The following NRXN3 variants were observed in gnomAD, a reference collection of about 807,000 sequenced individuals.
NRXN3 encodes neurexin III.
NRXN3 carries 32 observed loss-of-function variants against 137.6 expected under a neutral mutation model. The ratio of observed to expected loss-of-function variants is 0.23; its 90% confidence interval spans 0.18 to 0.31. The LOEUF (loss-of-function observed/expected upper bound fraction) is 0.31. Among genes scored for constraint, NRXN3 ranks in the 10% least tolerant of loss-of-function variants. NRXN3 has a pLI of 1.00. For synonymous variants in NRXN3, 798 were observed against 784.5 expected (o/e 1.02, Z -0.29); for missense variants, 1,574 against 2,062.5 (o/e 0.76, Z 4.59).
chr14:79,040,479 A>G (rs1022010939), intron 15 of NRXN3, among the ~76,000 whole-genome samples: 8 of 152,214 alleles, frequency 5.3e-5, no homozygotes, highest in East Asian at 1.9e-4. Flanking sequence ...GAATATTGTC[A>G]TATATGAATT....
At chr14:79,259,741 CACAT>C (rs1012634235) in intron 15 of NRXN3, among the ~76,000 whole-genome samples, 3 of 142,908 alleles carry the variant, frequency 2.1e-5, no homozygotes, top group Non-Finnish European at 3.1e-5. Flanking sequence ...CACACACACA[CACAT>C]ATACACACAC....
chr14:79,388,800 C>T (rs1599586103), intron 15 of NRXN3, among the ~76,000 whole-genome samples: 1 of 152,260 alleles, frequency 6.6e-6, no homozygotes, highest in South Asian at 2.1e-4. Flanking sequence ...TTGTAGCTCC[C>T]ATAATGCCCG....
chr14:79,460,651 T>G (rs1352219052), intron 15 of NRXN3, among the ~76,000 whole-genome samples: 4 of 152,186 alleles, frequency 2.6e-5, no homozygotes, highest in African/African-American at 9.6e-5. Context: ...TCCTAGAAAG[T>G]AATGATGTTT....
At chr14:79,357,361 C>T (rs1190003235) in intron 15 of NRXN3, among the ~76,000 whole-genome samples, 1 of 152,144 alleles carries the variant, frequency 6.6e-6, no homozygotes, top group Non-Finnish European at 1.5e-5. Flanking sequence ...AAATTAACTT[C>T]TATTCCTTTA....
intron 15 of NRXN3, among the ~76,000 whole-genome samples, chr14:79,351,469 G>A (rs757001062): frequency 6.6e-6 from 1 of 152,014 alleles, no homozygotes; most frequent in Non-Finnish European, 1.5e-5. Context: ...GTGTATACTT[G>A]GCCCTTTATT....
intron 20 of NRXN3, among the ~76,000 whole-genome samples, chr14:79,811,727 G>A (rs1376595242): frequency 2.6e-5 from 4 of 151,266 alleles, no homozygotes; most frequent in Admixed American, 6.6e-5. Flanking sequence ...GACTACAGAC[G>A]CCCGCCACCA....
At chr14:78,379,975 A>G (rs1472641268) in intron 4 of NRXN3, among the ~76,000 whole-genome samples, 4 of 152,206 alleles carry the variant, frequency 2.6e-5, no homozygotes, top group African/African-American at 9.6e-5. Context: ...AAATTAAAAT[A>G]TGATGCCATT....
At chr14:78,337,290 T>C (rs1285267592) in intron 4 of NRXN3, among the ~76,000 whole-genome samples, 2 of 152,080 alleles carry the variant, frequency 1.3e-5, no homozygotes, top group Non-Finnish European at 2.9e-5. Context: ...CCTTTAACCT[T>C]GAGCTCAGGG....
chr14:78,499,594 G>A (rs543289679), intron 4 of NRXN3, among the ~76,000 whole-genome samples: 2 of 152,288 alleles, frequency 1.3e-5, no homozygotes, highest in Admixed American at 6.5e-5. Context: ...GTTTTTAAGA[G>A]TCAGGAATCT....
At position 79,385,079 on chromosome 14, in the gene NRXN3, C is replaced by A. The variant is rs142736175; in HGVS notation, c.3263-82142C>A. Among the ~76,000 whole-genome samples, 3 of 151,248 alleles carry A rather than the reference C, an allele frequency of 2.0e-5. No individual in the cohort carries two copies. The East Asian group carries it at 5.8e-4, about 29-fold the overall frequency. ...AGATGGTGTCTTTTTTTTTATTATA[C>A]TTTAAGTTTTAGGGTACATGTGCAC... On this transcript the variant is annotated intron_variant, in intron 15 of 20. Coordinates refer to ENST00000335750, the MANE Select transcript of NRXN3 (RefSeq NM_001330195.2).
At chr14:78,324,290 T>C (rs964630134) in intron 4 of NRXN3, among the ~76,000 whole-genome samples, 3 of 152,070 alleles carry the variant, frequency 2.0e-5, no homozygotes, top group African/African-American at 4.8e-5. Flanking sequence ...GTACATTCAC[T>C]GAGCACCTAC....
chr14:78,473,420 G>C (rs894689686), intron 4 of NRXN3, among the ~76,000 whole-genome samples: 2 of 139,810 alleles, frequency 1.4e-5, no homozygotes, highest in Non-Finnish European at 3.1e-5. Flanking sequence ...AAAAAAAAAT[G>C]AAAAACCTTT....
intron 16 of NRXN3, among the ~76,000 whole-genome samples, chr14:79,612,387 T>G (rs1429667333): frequency 6.6e-6 from 1 of 152,094 alleles, no homozygotes; most frequent in Non-Finnish European, 1.5e-5. Context: ...TCCAGGGACA[T>G]CTCCTTCCTC....
chr14:78,257,465 A>G (rs1187230055), intron 2 of NRXN3, among the ~76,000 whole-genome samples: 1 of 152,230 alleles, frequency 6.6e-6, no homozygotes, highest in Non-Finnish European at 1.5e-5. Flanking sequence ...AAAAGGGAGC[A>G]TGTTACCATA....
intron 17 of NRXN3, among the ~76,000 whole-genome samples, chr14:79,675,746 A>G (rs2098637304): frequency 6.6e-6 from 1 of 152,092 alleles, no homozygotes; most frequent in Admixed American, 6.6e-5. Flanking sequence ...AAACAACAAA[A>G]TAGCTAAATA....
chr14:79,706,002 G>A (rs2098777035), intron 19 of NRXN3, among the ~76,000 whole-genome samples: 1 of 151,814 alleles, frequency 6.6e-6, no homozygotes, highest in Non-Finnish European at 1.5e-5. Flanking sequence ...CCATCCACCA[G>A]TACCTTCTCA....
intron 6 of NRXN3, among the ~76,000 whole-genome samples, chr14:78,701,336 C>T (rs2098276703): frequency 6.6e-6 from 1 of 152,214 alleles, no homozygotes; most frequent in Non-Finnish European, 1.5e-5. Context: ...AAAGCCTACG[C>T]TTAACTTGAG....
At chr14:79,634,029 C>T (rs2098383186) in intron 16 of NRXN3, among the ~76,000 whole-genome samples, 1 of 152,056 alleles carries the variant, frequency 6.6e-6, no homozygotes, top group Non-Finnish European at 1.5e-5. Context: ...AAATCTTAGG[C>T]TGTCCCTACA....
chr14:78,518,085 C>G (rs1417836308), intron 4 of NRXN3, among the ~76,000 whole-genome samples: 1 of 152,148 alleles, frequency 6.6e-6, no homozygotes, highest in Non-Finnish European at 1.5e-5. Context: ...GAAGATTACT[C>G]TATGGGGTTT....
Sources: allele counts gnomAD v4.1 joint callset (sites outside exome capture counted in the v4.1 genomes callset), GRCh38; gene constraint gnomAD v4.1.1; transcripts MANE v1.5; gene names NCBI Gene and HGNC (gene_info 2026-07-23, HGNC 2026-07-21).